The following NFATC2 variants were observed in gnomAD, a reference collection of about 807,000 sequenced individuals.
NFATC2 encodes the protein nuclear factor of activated T cells 2, also known as nuclear factor of activated T-cells, cytoplasmic 2.
In NFATC2, 22 loss-of-function variants were observed where a neutral mutation model predicts 87.3. That is an observed-to-expected ratio of 0.25 (90% CI 0.18 to 0.36). The LOEUF is 0.36. Among genes scored for constraint, NFATC2 ranks in the 10% least tolerant of loss-of-function variants. The probability of loss-of-function intolerance (pLI) is 1.00; values close to 1 mark genes in which losing one functional copy is unlikely to be tolerated. For synonymous variants in NFATC2, 565 were observed against 542.2 expected (o/e 1.04, Z -0.58); for missense variants, 1,149 against 1,259.1 (o/e 0.91, Z 1.32).
At chr20:51,409,202 A>G (rs1978824627) in intron 9 of NFATC2, among the ~76,000 whole-genome samples, 1 of 152,176 alleles carries the variant, frequency 6.6e-6, no homozygotes, top group Non-Finnish European at 1.5e-5. Flanking sequence ...GTGTGTGTAC[A>G]CCCTGTGACC....
intron 6 of NFATC2, among the ~76,000 whole-genome samples, chr20:51,440,236 C>CAAAA (rs34071345): frequency 5.8e-4 from 56 of 97,202 alleles, no homozygotes; most frequent in African/African-American, 2.1e-3. Context: ...AACTCCATCT[C>CAAAA]AAAAAAAAAA....
At chr20:51,506,509 C>A (rs1005784948) in intron 3 of NFATC2, among the ~76,000 whole-genome samples, 1 of 151,038 alleles carries the variant, frequency 6.6e-6, no homozygotes, top group African/African-American at 2.4e-5. Context: ...CACCCAGCCC[C>A]ACCTCCCCAC....
chr20:51,463,694 G>A (rs1026021446), intron 5 of NFATC2, among the ~76,000 whole-genome samples: 5 of 152,144 alleles, frequency 3.3e-5, no homozygotes, highest in Admixed American at 2.6e-4. Context: ...CTCATCCTTC[G>A]GAGCCTCAGC....
intron 1 of NFATC2, among the ~76,000 whole-genome samples, chr20:51,556,292 T>C (rs556258296): frequency 1.4e-3 from 214 of 152,292 alleles, no homozygotes; most frequent in Non-Finnish European, 2.4e-3. Flanking sequence ...GCCATTCAAT[T>C]TGTGGTCATT....
chr20:51,554,617 T>C (rs2076961962), intron 1 of NFATC2, among the ~76,000 whole-genome samples: 1 of 152,202 alleles, frequency 6.6e-6, no homozygotes, highest in Admixed American at 6.5e-5. Context: ...AACCTTAAAG[T>C]ACCCCCATGT....
intron 6 of NFATC2, among the ~76,000 whole-genome samples, chr20:51,453,371 A>G (rs1055010436): frequency 2.6e-5 from 4 of 152,218 alleles, no homozygotes; most frequent in East Asian, 1.9e-4. Context: ...ACAGTGCACA[A>G]TCCCTCCAAC....
At position 51,391,289 on chromosome 20, in the gene NFATC2, T is replaced by A; in HGVS notation, c.*207A>T. 1 of 1,191,674 alleles carries A rather than the reference T, an allele frequency of 8.4e-7. No homozygotes were observed. Among genetic ancestry groups the A allele is most frequent in the Non-Finnish European group, 1.3e-6 (1 of 795,816 alleles). 73.8% of individuals were successfully genotyped at this position (1,191,674 alleles called of 1,614,324 possible). ...CTTAGTGCCCATACATTGATCCGCG[T>A]GTGGACTCCGGGCTGGGAGATGAAC... is the stretch of plus-strand genomic sequence containing the variant. On this transcript the variant is annotated 3_prime_UTR_variant, in exon 11 of 11. Coordinates refer to ENST00000371564, the MANE Select transcript of NFATC2 (RefSeq NM_012340.5).
intron 1 of NFATC2, among the ~76,000 whole-genome samples, chr20:51,535,892 CAGATTACA>C (rs1414047603): frequency 1.3e-5 from 2 of 152,138 alleles, no homozygotes; most frequent in Non-Finnish European, 2.9e-5. Flanking sequence ...TCCAAAACCT[CAGATTACA>C]AGGTCGGGAG....
chr20:51,423,291 C>CAAA (rs71192527), intron 9 of NFATC2, among the ~76,000 whole-genome samples: 2,202 of 62,040 alleles, frequency 0.035, 263 homozygotes, highest in African/African-American at 0.14. Flanking sequence ...GACCCTCTCT[C>CAAA]AAAAAAAAAA....
intron 5 of NFATC2, among the ~76,000 whole-genome samples, chr20:51,472,698 C>T (rs1458228425): frequency 2.3e-5 from 3 of 133,158 alleles, no homozygotes; most frequent in Admixed American, 1.8e-4. Flanking sequence ...GGCAGTGGTG[C>T]GATCTCAGCT....
chr20:51,476,253 G>C (rs568495375), intron 3 of NFATC2, among the ~76,000 whole-genome samples: 6 of 112,964 alleles, frequency 5.3e-5, no homozygotes, highest in African/African-American at 2.2e-4. Context: ...ACAGGCCCCA[G>C]TGTGTGATGT....
intron 1 of NFATC2, among the ~76,000 whole-genome samples, chr20:51,540,210 A>C (rs953286372): frequency 6.6e-6 from 1 of 151,994 alleles, no homozygotes; most frequent in Non-Finnish European, 1.5e-5. Flanking sequence ...TTGGGGTTTC[A>C]CCATGTTGGC....
At chr20:51,530,589 C>CCGTA (rs1264343695) in intron 1 of NFATC2, among the ~76,000 whole-genome samples, 1 of 152,158 alleles carries the variant, frequency 6.6e-6, no homozygotes. Context: ...ATGGGAGGTA[C>CCGTA]CTGGCCTGCA....
At chr20:51,561,431 A>AAAG (rs1308574202) in intron 1 of NFATC2, among the ~76,000 whole-genome samples, 2 of 110,176 alleles carry the variant, frequency 1.8e-5, no homozygotes, top group African/African-American at 7.3e-5. Context: ...AGAGAGAAAG[A>AAAG]AAAGAAAGAA....
intron 1 of NFATC2, among the ~76,000 whole-genome samples, chr20:51,540,652 T>TTTG (rs2076795795): frequency 1.6e-5 from 2 of 127,738 alleles, no homozygotes; most frequent in African/African-American, 3.6e-5. Flanking sequence ...CTGAAGTTTT[T>TTTG]TTTTTGTTTT....
rs536644410 is a variant in NFATC2 at position 51,401,680 on chromosome 20, T to G, written c.2723-2950A>C. Among the ~76,000 whole-genome samples the G allele has an allele frequency of 4.5e-4, 68 of 152,342 alleles. No homozygotes were observed. In the South Asian group the frequency reaches 7.9e-3, roughly 18 times the overall value. On this transcript the variant is annotated intron_variant, in intron 9 of 10. Transcript: ENST00000371564. ...AACCACAATTACTTTTGCGCCAACC[T>G]AATACAAGGTTACAGCCTAAGACCT...
In NFATC2 at chr20:51,435,198, G is replaced by C. The variant is rs549354236; in HGVS notation, c.2022C>G (p.Thr674=). ...KRKRSQPQHF[T]YHPVPAIKTE... is the part of the protein sequence containing the mutation. ...AGAAACACTCCTTACCTGGGTGGTA[G>C]GTAAAGTGCTGAGGCTGACTTCGTT... is the stretch of plus-strand genomic sequence containing the variant. Residue 674 remains threonine, a synonymous_variant, in exon 8 of 11, where the codon ACC becomes ACG. Coordinates refer to ENST00000371564, the MANE Select transcript of NFATC2 (RefSeq NM_012340.5). The C allele has an allele frequency of 6.2e-7, 1 of 1,614,152 alleles. No individual in the cohort carries two copies. The highest frequency in any genetic ancestry group is 8.5e-7 in the Non-Finnish European group (1 of 1,180,012).
rs538823283 is a variant in NFATC2, at chr20:51,554,319, A to T, written c.70+8241T>A. On this transcript the variant is annotated intron_variant, in intron 1 of 10. Transcript: ENST00000414705. ...TCAAATGCAAACAGGCATGTCTCAT[A>T]GACGTTGGGTTTTTCTCCCCACCAC... Among the ~76,000 whole-genome samples the T allele has an allele frequency of 2.3e-4, 35 of 152,278 alleles. 1 individual carries two copies. In the South Asian group the frequency reaches 6.9e-3, roughly 30 times the overall value.
Position 51,470,183 on chromosome 20 carries a change from G to A in NFATC2, c.1708+3797C>T, listed in dbSNP as rs74409895. The stretch of plus-strand genomic sequence containing the variant: ...TCCCTCTGACCTCTTCCATACTCCA[G>A]AGAAGTGGGAGGTGGGGTTATCTAC... On this transcript the variant is annotated intron_variant, in intron 5 of 10. Coordinates refer to ENST00000371564, the MANE Select transcript of NFATC2 (RefSeq NM_012340.5). 8.5e-3 allele frequency among the ~76,000 whole-genome samples: 1,298 copies of A among 152,246 alleles called. 29 individuals carry two copies. Among genetic ancestry groups the A allele is most frequent in the African/African-American group, 0.03 (1,228 of 41,538 alleles).
Sources: gnomAD v4.1 joint callset for allele counts (sites outside exome capture counted in the v4.1 genomes callset) on GRCh38, gnomAD v4.1.1 for gene constraint, MANE v1.5 for transcripts, NCBI Gene and HGNC (gene_info 2026-07-23, HGNC 2026-07-21) for gene names.